Variants in SMARCA1 observed in about 807,000 individuals in gnomAD.
The protein encoded by SMARCA1 is SWI/SNF-related matrix-associated actin-dependent regulator of chromatin subfamily A member 1.
SMARCA1 carries 17 observed loss-of-function variants against 93.6 expected under a neutral mutation model. That is an observed-to-expected ratio of 0.18 (90% CI 0.12 to 0.27). SMARCA1 has a LOEUF of 0.27. SMARCA1 is among the 10% of genes least tolerant of loss of function. The probability of loss-of-function intolerance (pLI) is 1.00; values close to 1 mark genes in which losing one functional copy is unlikely to be tolerated. For missense variants in SMARCA1, 630 were observed against 819.0 expected, an observed-to-expected ratio of 0.77 and a Z score of 2.82; for synonymous variants, 271 against 271.4, an observed-to-expected ratio of 1.00 and a Z score of 0.01.
intron 1 of SMARCA1, 188 bp from the exon 2 acceptor site, chrX:129,518,635 C>T (rs1291741510): frequency 1.1e-5 from 3 of 274,730 alleles, no homozygotes; most frequent in Non-Finnish European, 1.9e-5. Flanking sequence ...GTTCTGTACA[C>T]CTGAGGTCCA....
chrX:129,459,472 G>C (rs1033942740), intron 23 of SMARCA1, among the ~76,000 whole-genome samples: 2 of 112,289 alleles, frequency 1.8e-5, no homozygotes, highest in Non-Finnish European at 3.8e-5. Flanking sequence ...TAACGCATAA[G>C]AATAAATACC....
At chrX:129,506,964 A>T (rs1350823034) in intron 7 of SMARCA1, among the ~76,000 whole-genome samples, 1 of 111,317 alleles carries the variant, frequency 9.0e-6, no homozygotes, top group East Asian at 2.8e-4. Flanking sequence ...ACTTATATTA[A>T]CTTTCTAAAC....
At chrX:129,469,649 T>C (rs1003139370) in intron 20 of SMARCA1, among the ~76,000 whole-genome samples, 4 of 112,237 alleles carry the variant, frequency 3.6e-5, no homozygotes, top group Non-Finnish European at 7.5e-5. Flanking sequence ...TGACCCCACA[T>C]TTTGTTCCTA....
At chrX:129,456,120 T>C (rs900151377) in intron 23 of SMARCA1, among the ~76,000 whole-genome samples, 8 of 111,775 alleles carry the variant, frequency 7.2e-5, no homozygotes, top group African/African-American at 2.6e-4. Flanking sequence ...TGACTTTAAA[T>C]TGAAACCAAC....
chrX:129,458,584 C>T (rs769325460), intron 23 of SMARCA1, among the ~76,000 whole-genome samples: 2 of 112,319 alleles, frequency 1.8e-5, no homozygotes, highest in East Asian at 5.6e-4. Context: ...TGCTCCAATA[C>T]TCAGCTTCAA....
chrX:129,463,029 G>T (rs895195951), intron 23 of SMARCA1, among the ~76,000 whole-genome samples: 1 of 111,206 alleles, frequency 9.0e-6, no homozygotes, highest in Admixed American at 9.6e-5. Flanking sequence ...CTTGCACTTT[G>T]AATGTGTTTC....
At chrX:129,484,659 A>G (rs1933820186) in intron 17 of SMARCA1, among the ~76,000 whole-genome samples, 1 of 112,395 alleles carries the variant, frequency 8.9e-6, no homozygotes, top group Admixed American at 9.4e-5. Context: ...ATTATAACTC[A>G]AAACATCCAT....
chrX:129,520,599 G>T (rs1340806705), intron 1 of SMARCA1, among the ~76,000 whole-genome samples: 1 of 109,621 alleles, frequency 9.1e-6, no homozygotes, highest in Non-Finnish European at 1.9e-5. Context: ...AAGATCACTA[G>T]ATGAAGGCAC....
intron 22 of SMARCA1, 43 bp downstream of exon 22, chrX:129,465,801 C>T: frequency 9.4e-7 from 1 of 1,059,953 alleles, no homozygotes; most frequent in Non-Finnish European, 1.3e-6. Flanking sequence ...ACCACTATTT[C>T]AATTAAAACG....
At chrX:129,449,755 G>C (rs1191760454) in intron 23 of SMARCA1, among the ~76,000 whole-genome samples, 1 of 110,275 alleles carries the variant, frequency 9.1e-6, no homozygotes, top group African/African-American at 3.3e-5. Context: ...TGAAAATGTA[G>C]GTTTACTGGC....
At chrX:129,455,983 G>T (rs765554247) in intron 23 of SMARCA1, among the ~76,000 whole-genome samples, 1 of 112,161 alleles carries the variant, frequency 8.9e-6, no homozygotes, top group South Asian at 3.7e-4. Flanking sequence ...AATTTTCAAT[G>T]GAGACAAAAT....
intron 17 of SMARCA1, among the ~76,000 whole-genome samples, chrX:129,485,235 T>C (rs1449988752): frequency 8.9e-6 from 1 of 112,330 alleles, no homozygotes; most frequent in African/African-American, 3.2e-5. Context: ...CGGGACCCCA[T>C]TTCTCACACT....
chrX:129,512,083 G>A (rs755825244), intron 5 of SMARCA1, 100 bp from the exon 6 acceptor site: 11 of 610,585 alleles, frequency 1.8e-5, no homozygotes, highest in African/African-American at 6.8e-5. Context: ...CCACTATCTC[G>A]CAAAGGCAAT....
At chrX:129,485,465 G>A (rs1461610309) in intron 17 of SMARCA1, among the ~76,000 whole-genome samples, 1 of 112,178 alleles carries the variant, frequency 8.9e-6, no homozygotes, top group African/African-American at 3.2e-5. Flanking sequence ...CTTGCATTGA[G>A]ACTGAGATGA....
rs1486856847 is a variant in SMARCA1 at position 129,516,491 on chromosome X, C to G, written c.268G>C (p.Asp90His). 1.6e-5 allele frequency: 19 copies of G among 1,197,251 alleles called. No individual in the cohort carries two copies. Among genetic ancestry groups the G allele is most frequent in the Non-Finnish European group, 2.0e-5 (18 of 889,281 alleles). Residue 90 changes from aspartate to histidine, a missense_variant, in exon 3 of 25, where the codon GAC becomes CAC. Physicochemically the swap from Asp to His is moderately conservative, Grantham distance 81. Transcript: ENST00000371121. ...DPEYEEKMKA[D>H]RAKRFEFLLK... ...AAAAATTCAAATCTCTTTGCTCGGTCGGCTTTCTAATTTGCAAAACAAAAG... is the reference window on the plus strand; with the variant it reads ...AAAAATTCAAATCTCTTTGCTCGGTGGGCTTTCTAATTTGCAAAACAAAAG...
Position 129,517,085 on chromosome X carries a change from A to T in SMARCA1, c.262-588T>A, listed in dbSNP as rs190095529. Reference sequence around the variant, plus strand: ...AACACTCCTCTCTTCACTCACAGGGATCTAGAAAACTGTATTTTGTGCTAG... The same window carrying T: ...AACACTCCTCTCTTCACTCACAGGGTTCTAGAAAACTGTATTTTGTGCTAG... On this transcript the variant is annotated intron_variant, in intron 2 of 24. Transcript: ENST00000371121. Among the ~76,000 whole-genome samples, 207 of 111,395 alleles carry T rather than the reference A, an allele frequency of 1.9e-3. 4 individuals are homozygous for T. Among genetic ancestry groups the T allele is most frequent in the Middle Eastern group, 0.014 (3 of 217 alleles).
chrX:129,467,641 T>G (rs1406150359), intron 21 of SMARCA1, among the ~76,000 whole-genome samples: 1 of 105,399 alleles, frequency 9.5e-6, no homozygotes, highest in Non-Finnish European at 1.9e-5. Context: ...GAAGACTCTT[T>G]TAGATTTCCA....
At chrX:129,501,412 T>C (rs5977096) in intron 9 of SMARCA1, among the ~76,000 whole-genome samples, 46,374 of 104,751 alleles carry the variant, frequency 0.44, 9,885 homozygotes, top group African/African-American at 0.82. Context: ...TCTCCTGCCT[T>C]AGCCTCCCAA....
chrX:129,493,894 G>T (rs1934216734), intron 12 of SMARCA1, among the ~76,000 whole-genome samples: 1 of 111,595 alleles, frequency 9.0e-6, no homozygotes, highest in African/African-American at 3.3e-5. Context: ...TGGAGAAAGG[G>T]AAAATCTGAG....
Sources: allele counts gnomAD v4.1 joint callset (sites outside exome capture counted in the v4.1 genomes callset), GRCh38; gene constraint gnomAD v4.1.1; transcripts MANE v1.5; gene names NCBI Gene and HGNC (gene_info 2026-07-23, HGNC 2026-07-21).